Variants in SLC22A5 observed in about 807,000 individuals in gnomAD.
The protein encoded by SLC22A5 is solute carrier family 22 member 5, also known as organic cation/carnitine transporter 2.
Under a neutral mutation model 56.7 loss-of-function variants are expected in SLC22A5, and 44 were observed. The ratio of observed to expected loss-of-function variants is 0.78; its 90% CI spans 0.61 to 1.00. SLC22A5 has a LOEUF of 1.00. Ranked by LOEUF, SLC22A5 falls within the 50% of genes least tolerant of loss-of-function variation. The pLI is 0.00. For missense variants in SLC22A5, 675 were observed against 723.0 expected (o/e 0.93, Z 0.76); for synonymous variants, 278 against 292.1 (o/e 0.95, Z 0.49).
chr5:132,378,659 C>T (rs1384753983), intron 2 of SLC22A5, 178 bp downstream of exon 2: 1 of 623,444 alleles, frequency 1.6e-6, no homozygotes, highest in Non-Finnish European at 2.9e-6. Context: ...ACAAATCTGA[C>T]TCCGTAATTC....
intron 1 of SLC22A5, among the ~76,000 whole-genome samples, chr5:132,374,696 C>G (rs977275878): frequency 2.0e-5 from 3 of 151,918 alleles, no homozygotes; most frequent in Non-Finnish European, 2.9e-5. Context: ...CTCTAGCTAG[C>G]TGACACCTGT....
Position 132,370,170 on chromosome 5 carries a change from T to A in SLC22A5, c.198T>A (p.Thr66=). 2 of 1,605,506 alleles carry A rather than the reference T, an allele frequency of 1.2e-6. No individual in the cohort carries two copies. Among genetic ancestry groups the A allele is most frequent in the East Asian group, 2.3e-5 (1 of 44,430 alleles). Residue 66 remains threonine (T), a synonymous_variant, in exon 1 of 10, where the codon ACT becomes ACA. Transcript: ENST00000245407. ...ANLSSAWRNH[T]VPLRLRDGRE... ...TGAGCAGCGCCTGGCGCAACCACAC[T>A]GTCCCACTGCGGCTGCGGGACGGCC...
chr5:132,378,233 C>T (rs773638433), intron 1 of SLC22A5, 145 bp from the exon 2 acceptor site: 2 of 1,613,976 alleles, frequency 1.2e-6, no homozygotes, highest in Middle Eastern at 1.6e-4. Context: ...CCTTCCTGCC[C>T]AGGTGAGCCA....
Position 132,370,375 on chromosome 5 carries a change from G to T in SLC22A5, c.393+10G>T. 6.2e-7 allele frequency: 1 copy of T among 1,611,044 alleles called. No homozygotes were observed. The highest frequency in any genetic ancestry group is 2.2e-5 in the East Asian group (1 of 44,828). On this transcript the variant is annotated intron_variant, in intron 1 of 9. Transcript: ENST00000245407. ...CACCATTGTGACCGAGGTGGGTGCCGGCCCCTGCTGGGGCTGAGACCAGGG... is the reference window on the plus strand; with the variant it reads ...CACCATTGTGACCGAGGTGGGTGCCTGCCCCTGCTGGGGCTGAGACCAGGG...
Position 132,387,057 on chromosome 5 carries a change from C to T in SLC22A5, c.857C>T (p.Ser286Phe). ...FIPESPRWLI[S>F]QGRFEEAEVI... ...CCTGAGTCCCCCCGATGGCTCATCT[C>T]TCAGGGACGATTTGAAGAGGCAGAG... is the stretch of plus-strand genomic sequence containing the variant. Residue 286 changes from serine (S) to phenylalanine (F), a missense_variant, in exon 5 of 10, where the codon TCT becomes TTT. Physicochemically the swap from Ser to Phe is radical, Grantham distance 155 (BLOSUM62 -2). Coordinates refer to ENST00000245407, the MANE Select transcript of SLC22A5 (RefSeq NM_003060.4). 1 of 1,614,160 alleles carries T rather than the reference C, an allele frequency of 6.2e-7. No individual in the cohort carries two copies. Among genetic ancestry groups the T allele is most frequent in the Non-Finnish European group, 8.5e-7 (1 of 1,179,998 alleles).
intron 8 of SLC22A5, 83 bp from the exon 9 acceptor site, chr5:132,393,593 G>A: frequency 6.7e-7 from 1 of 1,489,614 alleles, no homozygotes; most frequent in Non-Finnish European, 9.4e-7. Context: ...TCCCCTTCCA[G>A]AGTCCTGGGA....
intron 3 of SLC22A5, among the ~76,000 whole-genome samples, 159 bp downstream of exon 3, chr5:132,384,460 A>G (rs1488059976): frequency 6.6e-6 from 1 of 152,234 alleles, no homozygotes; most frequent in Non-Finnish European, 1.5e-5. Context: ...AGGCAGGGAA[A>G]CTGAGCCAGA....
intron 4 of SLC22A5, among the ~76,000 whole-genome samples, chr5:132,386,705 G>A (rs932573240): frequency 2.6e-5 from 4 of 152,278 alleles, no homozygotes; most frequent in Non-Finnish European, 4.4e-5. Flanking sequence ...CCAGGCTTCC[G>A]GAGCCCATCT....
intron 1 of SLC22A5, among the ~76,000 whole-genome samples, chr5:132,374,171 A>G (rs1259952756): frequency 6.6e-6 from 1 of 151,802 alleles, no homozygotes; most frequent in Non-Finnish European, 1.5e-5. Flanking sequence ...AGTAGCCAAG[A>G]TCGCACCATT....
Position 132,394,924 on chromosome 5 carries a change from C to G in SLC22A5, c.*652C>G, listed in dbSNP as rs1405461410. The stretch of plus-strand genomic sequence containing the variant: ...GACGACTGAGTAGACTTGTTTACAT[C>G]TGATCAAAGCACTGGGCTTGTCCAG... On this transcript the variant is annotated 3_prime_UTR_variant, in exon 10 of 10. Coordinates refer to ENST00000245407, the MANE Select transcript of SLC22A5 (RefSeq NM_003060.4). The G allele has an allele frequency of 6.5e-6, 1 of 153,284 alleles. No individual in the cohort carries two copies. The highest frequency in any genetic ancestry group is 1.5e-5 in the Non-Finnish European group (1 of 68,772). The allele number at this position is 153,284 out of a possible 1,614,324, so 9.5% of individuals were successfully genotyped here.
intron 1 of SLC22A5, among the ~76,000 whole-genome samples, chr5:132,375,230 A>G (rs1221612536): frequency 4.6e-5 from 7 of 152,212 alleles, no homozygotes; most frequent in Non-Finnish European, 8.8e-5. Context: ...TCTTCTATAC[A>G]GGGGGCACTG....
At position 132,369,715 on chromosome 5, in the gene SLC22A5, C is replaced by CGCCGGCGCCGCTCTGCCT. The variant is rs1751800335; in HGVS notation, c.-254_-237dup. ...TCGCGTCCCGCCCCAGCTCCGCCTT[C>CGCCGGCGCCGCTCTGCCT]GCCGGCGCCGCTCTGCCTGCCAGCG... is the stretch of plus-strand genomic sequence containing the variant. On this transcript the variant is annotated 5_prime_UTR_variant, in exon 1 of 10. Transcript: ENST00000245407. 1 of 436,268 alleles carries CGCCGGCGCCGCTCTGCCT rather than the reference C, an allele frequency of 2.3e-6. No individual in the cohort carries two copies. The highest frequency in any genetic ancestry group is 2.1e-5 in the African/African-American group (1 of 48,016). The allele number at this position is 436,268 out of a possible 1,614,324, so 27.0% of individuals were successfully genotyped here. A position where few individuals can be genotyped will look rare whatever the true frequency, so the allele number is the denominator to read the frequency against.
At position 132,388,918 on chromosome 5, in the gene SLC22A5, C is replaced by G; in HGVS notation, c.952-3C>G. 1 of 1,597,820 alleles carries G rather than the reference C, an allele frequency of 6.3e-7. No individual in the cohort carries two copies. Among genetic ancestry groups the G allele is most frequent in the Non-Finnish European group, 8.6e-7 (1 of 1,165,166 alleles). On this transcript the variant is annotated splice_region_variant and splice_polypyrimidine_tract_variant and intron_variant, in intron 5 of 9. Coordinates refer to ENST00000245407, the MANE Select transcript of SLC22A5 (RefSeq NM_003060.4). Reference sequence around the variant, plus strand: ...CCATACACTTATGATGTTGTTCCTGCAGTTACAAGACCTAAGTTCCAAGAA... The same window carrying G: ...CCATACACTTATGATGTTGTTCCTGGAGTTACAAGACCTAAGTTCCAAGAA...
intron 2 of SLC22A5, chr5:132,379,413 C>T (rs1483053940): frequency 6.6e-6 from 1 of 152,230 alleles, no homozygotes; most frequent in Non-Finnish European, 1.5e-5. Context: ...TCAAGCAATC[C>T]TCCCTCCATA....
intron 7 of SLC22A5, among the ~76,000 whole-genome samples, 190 bp downstream of exon 7, chr5:132,391,094 G>A (rs770026503): frequency 6.6e-6 from 1 of 152,244 alleles, no homozygotes; most frequent in Non-Finnish European, 1.5e-5. Context: ...CTTTGAGGGA[G>A]TGGGAAAAAG....
At chr5:132,376,619 TG>T (rs1752147240) in intron 1 of SLC22A5, 1 of 152,270 alleles carries the variant, frequency 6.6e-6, no homozygotes, top group Non-Finnish European at 1.5e-5. Context: ...CTCAGCCATA[TG>T]GGTCCCCAAC....
At chr5:132,384,075 G>GC (rs1752438664) in intron 2 of SLC22A5, 72 bp from the exon 3 acceptor site, 1 of 1,474,510 alleles carries the variant, frequency 6.8e-7, no homozygotes, top group Non-Finnish European at 9.5e-7. Context: ...TCTTGAGAAA[G>GC]CCCCACTTGG....
intron 5 of SLC22A5, 21 bp downstream of exon 5, chr5:132,387,172 G>C: frequency 3.1e-6 from 5 of 1,613,946 alleles, no homozygotes; most frequent in Non-Finnish European, 4.2e-6. Context: ...TGTGGGTGTG[G>C]GTGAGAGGGA....
At position 132,378,383 on chromosome 5, in the gene SLC22A5, C is replaced by T. The variant is rs1027119483; in HGVS notation, c.399C>T (p.Asn133=). The change falls in exon 2 of 10, where the codon AAC becomes AAT. Residue 133 remains asparagine (N), a synonymous_variant. Coordinates refer to ENST00000245407, the MANE Select transcript of SLC22A5 (RefSeq NM_003060.4). The part of the protein sequence containing the change: ...VYLSTIVTEW[N]LVCEDDWKAP... The stretch of plus-strand genomic sequence containing the variant: ...CCCCTTTGCTCATCTTGCAGTGGAA[C>T]CTGGTGTGTGAGGACGACTGGAAGG... The T allele has an allele frequency of 1.2e-6, 2 of 1,613,904 alleles. No homozygotes were observed. Among genetic ancestry groups the T allele is most frequent in the African/African-American group, 2.7e-5 (2 of 74,908 alleles).
Sources: allele counts gnomAD v4.1 joint callset (sites outside exome capture counted in the v4.1 genomes callset), GRCh38; gene constraint gnomAD v4.1.1; transcripts MANE v1.5; gene names NCBI Gene and HGNC (gene_info 2026-07-23, HGNC 2026-07-21).